The following RNF144A variants were observed in gnomAD, a reference collection of about 807,000 sequenced individuals.
The protein encoded by RNF144A is ring finger protein 144A, also known as E3 ubiquitin-protein ligase RNF144A.
In RNF144A, 11 loss-of-function variants were observed where a neutral mutation model predicts 38.7. The ratio of observed to expected loss-of-function variants is 0.28; its 90% CI spans 0.18 to 0.47. RNF144A has a LOEUF of 0.47. RNF144A is among the 20% of genes least tolerant of loss of function. The probability of loss-of-function intolerance (pLI) is 0.99; values close to 1 mark genes in which losing one functional copy is unlikely to be tolerated. For missense variants in RNF144A, 316 were observed against 377.2 expected, an observed-to-expected ratio of 0.84 and a Z score of 1.34; for synonymous variants, 149 against 143.9, an observed-to-expected ratio of 1.04 and a Z score of -0.25.
At chr2:6,990,089 G>T (rs767491905) in intron 2 of RNF144A, among the ~76,000 whole-genome samples, 7 of 152,102 alleles carry the variant, frequency 4.6e-5, no homozygotes, top group Non-Finnish European at 7.4e-5. Context: ...GTCAGTTGGG[G>T]CTGCTGTAAC....
chr2:7,043,372 T>A lies in RNF144A; in HGVS notation c.*3612T>A. ...TACAAATTAAAAAAACATTTTTTTC[T>A]TGGTAGTCTTTAAAAATTAGGGGAT... On this transcript the variant is annotated 3_prime_UTR_variant, in exon 9 of 9. Transcript: ENST00000320892. 3.2e-5 allele frequency: 32 copies of A among 985,212 alleles called. No homozygotes were observed. Among genetic ancestry groups the A allele is most frequent in the South Asian group, 1.9e-4 (4 of 21,276 alleles). 61.0% of individuals were successfully genotyped at this position (985,212 alleles called of 1,614,324 possible).
At chr2:6,993,732 T>C (rs568903476) in intron 2 of RNF144A, among the ~76,000 whole-genome samples, 2 of 152,254 alleles carry the variant, frequency 1.3e-5, no homozygotes, top group East Asian at 1.9e-4. Context: ...CTAAAAATTT[T>C]CTCCATTGGA....
chr2:6,971,005 T>C (rs1486443573), intron 2 of RNF144A, among the ~76,000 whole-genome samples: 1 of 152,250 alleles, frequency 6.6e-6, no homozygotes, highest in Non-Finnish European at 1.5e-5. Flanking sequence ...TTGCTTTCCT[T>C]ATTTGACACA....
intron 6 of RNF144A, among the ~76,000 whole-genome samples, chr2:7,057,102 T>C (rs1307098044): frequency 1.3e-5 from 2 of 152,234 alleles, no homozygotes; most frequent in African/African-American, 2.4e-5. Context: ...GGGACTATTA[T>C]ACAGCTTTAG....
chr2:7,066,442 T>C (rs1321108478), intron 6 of RNF144A, among the ~76,000 whole-genome samples: 1 of 152,200 alleles, frequency 6.6e-6, no homozygotes, highest in Non-Finnish European at 1.5e-5. Context: ...TGGTAATGTA[T>C]TTCTTTGTGA....
At chr2:6,978,231 A>G (rs1033274867) in intron 2 of RNF144A, among the ~76,000 whole-genome samples, 2 of 152,222 alleles carry the variant, frequency 1.3e-5, no homozygotes, top group African/African-American at 4.8e-5. Context: ...TGGCCTGTGA[A>G]TGTGGAAAAC....
intron 5 of RNF144A, among the ~76,000 whole-genome samples, 172 bp downstream of exon 5, chr2:7,014,944 CACAGTTTGAAGACCT>C (rs1012091909): frequency 2.1e-4 from 32 of 152,268 alleles, no homozygotes; most frequent in Admixed American, 3.3e-4. Context: ...CTGAACAGCT[CACAGTTTGAAGACCT>C]TGTCTAGTGA....
At chr2:6,965,121 A>T (rs1032271362) in intron 2 of RNF144A, among the ~76,000 whole-genome samples, 3 of 152,152 alleles carry the variant, frequency 2.0e-5, no homozygotes, top group African/African-American at 7.2e-5. Context: ...AAACAGGTGT[A>T]CTCAACAAAT....
intron 7 of RNF144A, among the ~76,000 whole-genome samples, chr2:7,026,119 G>A (rs1423552029): frequency 2.0e-5 from 3 of 152,280 alleles, no homozygotes; most frequent in East Asian, 1.9e-4. Context: ...TGAGAGATTT[G>A]TCTAGAAGAA....
chr2:7,050,008 G>A (rs1364495906), intron 6 of RNF144A, among the ~76,000 whole-genome samples: 1 of 152,154 alleles, frequency 6.6e-6, no homozygotes, highest in African/African-American at 2.4e-5. Flanking sequence ...AAATGCATTC[G>A]ATACCAAGTT....
intron 3 of RNF144A, among the ~76,000 whole-genome samples, chr2:7,008,679 G>C (rs774126837): frequency 4.6e-5 from 7 of 152,180 alleles, no homozygotes; most frequent in Non-Finnish European, 8.8e-5. Context: ...CCTGACTGCT[G>C]TTTGTCTTGG....
At chr2:6,957,469 G>A (rs1667079255) in intron 2 of RNF144A, among the ~76,000 whole-genome samples, 1 of 152,236 alleles carries the variant, frequency 6.6e-6, no homozygotes, top group Non-Finnish European at 1.5e-5. Flanking sequence ...TGGATGTTGT[G>A]CGTACTAAGA....
At chr2:7,003,453 A>G (rs1261417917) in intron 3 of RNF144A, among the ~76,000 whole-genome samples, 10 of 152,218 alleles carry the variant, frequency 6.6e-5, no homozygotes, top group Admixed American at 2.6e-4. Context: ...AGAAATTTAG[A>G]TGTGCAAATA....
At chr2:6,990,377 T>G (rs1669253517) in intron 2 of RNF144A, among the ~76,000 whole-genome samples, 1 of 135,536 alleles carries the variant, frequency 7.4e-6, no homozygotes. Context: ...CTAAAGACTA[T>G]ATATATTTAC....
chr2:6,968,764 A>C (rs1333761692), intron 2 of RNF144A, among the ~76,000 whole-genome samples: 1 of 152,038 alleles, frequency 6.6e-6, no homozygotes, highest in East Asian at 1.9e-4. Flanking sequence ...CAAAGCAGGC[A>C]CTGTGAACTT....
At chr2:6,980,494 G>A (rs977617884) in intron 2 of RNF144A, among the ~76,000 whole-genome samples, 3 of 152,258 alleles carry the variant, frequency 2.0e-5, no homozygotes, top group Non-Finnish European at 2.9e-5. Context: ...TGGCCAGGCA[G>A]TCATTACATC....
intron 1 of RNF144A, among the ~76,000 whole-genome samples, chr2:6,937,557 G>A (rs1665671202): frequency 6.6e-6 from 1 of 152,254 alleles, no homozygotes; most frequent in African/African-American, 2.4e-5. Flanking sequence ...GGGAAAAATG[G>A]CAGAAGCTGT....
At chr2:6,949,028 G>A (rs1287844354) in intron 2 of RNF144A, among the ~76,000 whole-genome samples, 2 of 152,208 alleles carry the variant, frequency 1.3e-5, no homozygotes, top group Admixed American at 6.5e-5. Context: ...CCCTGAAAGC[G>A]TAGGCCATGC....
chr2:7,018,903 G>A (rs1045136147), intron 5 of RNF144A, among the ~76,000 whole-genome samples: 1 of 151,672 alleles, frequency 6.6e-6, no homozygotes, highest in African/African-American at 2.4e-5. Flanking sequence ...AAAAAAAAAG[G>A]CAGAGGGCAG....
Sources: gnomAD v4.1 joint callset for allele counts (sites outside exome capture counted in the v4.1 genomes callset) on GRCh38, gnomAD v4.1.1 for gene constraint, MANE v1.5 for transcripts, NCBI Gene and HGNC (gene_info 2026-07-23, HGNC 2026-07-21) for gene names.